CELA3A: variants seen among roughly 807,000 people sequenced by gnomAD.
CELA3A encodes the protein chymotrypsin-like elastase family member 3A.
In CELA3A, 35 loss-of-function variants were observed where a neutral mutation model predicts 38.6. That is an observed-to-expected ratio of 0.91 (90% CI 0.69 to 1.20). CELA3A has a LOEUF of 1.20. Among genes scored for constraint, CELA3A ranks in the 50% most tolerant of loss-of-function variants. The pLI is 0.00. For missense variants in CELA3A, 343 were observed against 354.2 expected (o/e 0.97, Z 0.25); for synonymous variants, 143 against 136.7 (o/e 1.05, Z -0.32).
In CELA3A at chr1:22,005,692, T is replaced by C. The variant is rs57426808; in HGVS notation, c.258T>C (p.Gly86=). The change falls in exon 4 of 8, where the codon GGT becomes GGC. Residue 86 remains glycine (G), a synonymous_variant. Coordinates refer to ENST00000290122, the MANE Select transcript of CELA3A (RefSeq NM_005747.5). ...SRDLTYQVVL[G]EYNLAVKEGP... ...ATCTGACCTACCAGGTGGTGTTGGG[T>C]GAGTACAACCTTGCTGTGAAGGAGG... is the stretch of plus-strand genomic sequence containing the variant. The C allele has an allele frequency of 1.3e-5, 21 of 1,611,916 alleles. 1 individual carries two copies. The highest frequency in any genetic ancestry group is 1.1e-4 in the South Asian group (10 of 90,868).
At chr1:22,004,275 G>A (rs1269039066) in intron 2 of CELA3A, among the ~76,000 whole-genome samples, 1 of 150,626 alleles carries the variant, frequency 6.6e-6, no homozygotes, top group Non-Finnish European at 1.5e-5. Flanking sequence ...GTCTCACTAT[G>A]TTGCCCAGGC....
intron 6 of CELA3A, among the ~76,000 whole-genome samples, chr1:22,009,192 C>G (rs914497625): frequency 1.3e-5 from 2 of 151,036 alleles, no homozygotes; most frequent in African/African-American, 2.5e-5. Context: ...GGTGAAACCC[C>G]GTCTCTACGA....
intron 6 of CELA3A, among the ~76,000 whole-genome samples, chr1:22,008,031 G>A (rs1251524220): frequency 1.3e-5 from 2 of 150,812 alleles, no homozygotes; most frequent in African/African-American, 4.9e-5. Context: ...GCACTCGCCT[G>A]TAGTCCCAAC....
Sources: allele counts gnomAD v4.1 joint callset (sites outside exome capture counted in the v4.1 genomes callset), GRCh38; gene constraint gnomAD v4.1.1; transcripts MANE v1.5; gene names NCBI Gene and HGNC (gene_info 2026-07-23, HGNC 2026-07-21).